Variants in KIAA1217 observed in about 807,000 individuals in gnomAD.
The protein encoded by KIAA1217 is sickle tail protein homolog.
A neutral mutation model predicts 163.9 loss-of-function variants in KIAA1217; 88 were observed. That is an observed-to-expected ratio of 0.54 (90% CI 0.45 to 0.64). KIAA1217 has a LOEUF of 0.64. KIAA1217 is among the 30% of genes least tolerant of loss of function. The pLI, the probability that KIAA1217 is intolerant of heterozygous loss-of-function variation, is 0.00. For missense variants in KIAA1217, 2,372 were observed against 2,475.0 expected, an observed-to-expected ratio of 0.96 and a Z score of 0.88; for synonymous variants, 903 against 923.1, an observed-to-expected ratio of 0.98 and a Z score of 0.39.
intron 3 of KIAA1217, among the ~76,000 whole-genome samples, chr10:24,431,595 G>C (rs116978316): frequency 6.6e-6 from 1 of 152,128 alleles, no homozygotes; most frequent in Non-Finnish European, 1.5e-5. Context: ...GTGACCTCCC[G>C]TGTGGCTGGG....
At chr10:24,483,517 C>G (rs1038678657) in intron 6 of KIAA1217, among the ~76,000 whole-genome samples, 1 of 152,212 alleles carries the variant, frequency 6.6e-6, no homozygotes, top group Admixed American at 6.5e-5. Flanking sequence ...AGGAAATGCA[C>G]TAGAGAGACC....
At chr10:24,446,955 A>T (rs1362604623) in intron 5 of KIAA1217, among the ~76,000 whole-genome samples, 1 of 152,044 alleles carries the variant, frequency 6.6e-6, no homozygotes, top group African/African-American at 2.4e-5. Flanking sequence ...CTTTCCCACC[A>T]CTGTCTTCAT....
At chr10:23,876,028 A>G (rs903061023) in intron 1 of KIAA1217, among the ~76,000 whole-genome samples, 17 of 151,810 alleles carry the variant, frequency 1.1e-4, no homozygotes, top group Non-Finnish European at 1.9e-4. Flanking sequence ...CAGCAAACCA[A>G]CGTCGCATAT....
intron 1 of KIAA1217, among the ~76,000 whole-genome samples, chr10:23,908,593 A>C (rs1374619952): frequency 3.3e-5 from 5 of 152,106 alleles, no homozygotes; most frequent in Non-Finnish European, 7.4e-5. Flanking sequence ...TCTCCAACCC[A>C]GCCCTGAGGT....
chr10:23,941,162 C>T (rs1476730957), intron 1 of KIAA1217, among the ~76,000 whole-genome samples: 1 of 152,176 alleles, frequency 6.6e-6, no homozygotes, highest in East Asian at 1.9e-4. Flanking sequence ...GTTGTTCAGA[C>T]AGTCAAATTA....
intron 2 of KIAA1217, among the ~76,000 whole-genome samples, chr10:24,144,026 G>T (rs12255248): frequency 6.6e-6 from 1 of 152,134 alleles, no homozygotes; most frequent in Admixed American, 6.6e-5. Context: ...GTTATCTGCA[G>T]TATTAGACTG....
At chr10:23,876,388 A>G (rs1840695177) in intron 1 of KIAA1217, among the ~76,000 whole-genome samples, 1 of 151,592 alleles carries the variant, frequency 6.6e-6, no homozygotes, top group Non-Finnish European at 1.5e-5. Context: ...TACTATGTTC[A>G]CTCTATGGGT....
intron 9 of KIAA1217, 149 bp from the exon 10 acceptor site, chr10:24,513,110 G>C: frequency 1.3e-6 from 1 of 744,898 alleles, no homozygotes; most frequent in Non-Finnish European, 2.2e-6. Context: ...ATTATGTACA[G>C]TCTTTGCTCC....
intron 9 of KIAA1217, among the ~76,000 whole-genome samples, chr10:24,506,683 G>A (rs769797656): frequency 1.3e-5 from 2 of 152,192 alleles, no homozygotes; most frequent in Non-Finnish European, 2.9e-5. Flanking sequence ...GTAATCCTTA[G>A]GAGAATGGGG....
chr10:23,986,794 A>G lies in KIAA1217; in HGVS notation c.-320-20431A>G, dbSNP rs1589190244. On this transcript the variant is annotated intron_variant, in intron 1 of 18. Transcript: ENST00000376462. The stretch of plus-strand genomic sequence containing the variant: ...AGACTGTTGCCTACACACGTTGTGC[A>G]GTGTACAATACAAGAATGTAATGTC... Among the ~76,000 whole-genome samples the G allele has an allele frequency of 2.0e-5, 3 of 152,340 alleles. No homozygotes were observed. The East Asian group carries it at 5.8e-4, about 29-fold the overall frequency.
chr10:23,993,100 C>T (rs1253082671), intron 1 of KIAA1217, among the ~76,000 whole-genome samples: 2 of 135,994 alleles, frequency 1.5e-5, no homozygotes, highest in Non-Finnish European at 3.1e-5. Context: ...GGTGAGATCT[C>T]GGCTCACTGC....
chr10:23,730,114 G>T (rs1335733951), intron 1 of KIAA1217, among the ~76,000 whole-genome samples: 1 of 152,022 alleles, frequency 6.6e-6, no homozygotes, highest in Non-Finnish European at 1.5e-5. Flanking sequence ...TGTTAGCCAG[G>T]TTGGTCTCAA....
At position 24,547,056 on chromosome 10, in the gene KIAA1217, C is replaced by CTTTTTTTTTT. The variant is rs11411265; in HGVS notation, c.*739_*748dup. 31 of 127,932 alleles carry CTTTTTTTTTT rather than the reference C, an allele frequency of 2.4e-4. No individual in the cohort carries two copies. Among genetic ancestry groups the CTTTTTTTTTT allele is most frequent in the South Asian group, 7.6e-4 (3 of 3,950 alleles). 7.9% of individuals were successfully genotyped at this position (127,932 alleles called of 1,614,324 possible). ...GCTTCTTTTCTTTCTTTTTTCCTTCCTTTTTTTTTTTTTTTTCTTTTTTAA... is the reference window on the plus strand; with the variant it reads ...GCTTCTTTTCTTTCTTTTTTCCTTCCTTTTTTTTTTTTTTTTTTTTTTTTTTCTTTTTTAA... On this transcript the variant is annotated 3_prime_UTR_variant, in exon 21 of 21. Transcript: ENST00000376454.
intron 2 of KIAA1217, among the ~76,000 whole-genome samples, chr10:24,369,683 T>C (rs545002025): frequency 6.6e-6 from 1 of 152,264 alleles, no homozygotes; most frequent in African/African-American, 2.4e-5. Context: ...GCTGGTTGTA[T>C]TTTACTTGAG....
intron 2 of KIAA1217, among the ~76,000 whole-genome samples, chr10:24,228,750 C>G (rs760253782): frequency 1.2e-4 from 18 of 152,170 alleles, no homozygotes; most frequent in Non-Finnish European, 2.1e-4. Flanking sequence ...TAGCTTAAGA[C>G]TAAAATCTTC....
chr10:24,297,592 C>G (rs2040779283), intron 2 of KIAA1217, among the ~76,000 whole-genome samples: 1 of 152,028 alleles, frequency 6.6e-6, no homozygotes, highest in South Asian at 2.1e-4. Flanking sequence ...CCCATCTCTA[C>G]TAAAAATATA....
At chr10:23,766,351 T>A (rs1288661973) in intron 1 of KIAA1217, among the ~76,000 whole-genome samples, 1 of 152,220 alleles carries the variant, frequency 6.6e-6, no homozygotes, top group Non-Finnish European at 1.5e-5. Context: ...AATAGTGTCC[T>A]CAAGTTTGTC....
intron 2 of KIAA1217, among the ~76,000 whole-genome samples, chr10:24,308,949 G>T (rs751408332): frequency 2.0e-5 from 3 of 151,860 alleles, no homozygotes; most frequent in Non-Finnish European, 4.4e-5. Context: ...ATGGTGAAAT[G>T]CTGTCTCTAC....
At chr10:24,275,958 T>C (rs578034439) in intron 2 of KIAA1217, among the ~76,000 whole-genome samples, 4 of 152,302 alleles carry the variant, frequency 2.6e-5, no homozygotes, top group African/African-American at 4.8e-5. Flanking sequence ...GGCTTGGCGA[T>C]GTTGCATTAA....
Sources: allele counts gnomAD v4.1 joint callset (sites outside exome capture counted in the v4.1 genomes callset), GRCh38; gene constraint gnomAD v4.1.1; transcripts MANE v1.5; gene names NCBI Gene and HGNC (gene_info 2026-07-23, HGNC 2026-07-21).